The following ASTN2 variants were observed in gnomAD, a reference collection of about 807,000 sequenced individuals.
ASTN2 encodes the protein astrotactin 2.
A neutral mutation model predicts 139.8 loss-of-function variants in ASTN2; 54 were observed. That is an observed-to-expected ratio of 0.39 (90% CI 0.31 to 0.48). The LOEUF (loss-of-function observed/expected upper bound fraction) is 0.48, where lower values mean the gene tolerates loss of function less well. Ranked by LOEUF, ASTN2 falls within the 20% of genes least tolerant of loss-of-function variation. The probability of loss-of-function intolerance (pLI) is 0.95; values close to 1 mark genes in which losing one functional copy is unlikely to be tolerated. For synonymous variants in ASTN2, 756 were observed against 719.5 expected (o/e 1.05, Z -0.81); for missense variants, 1,565 against 1,725.1 (o/e 0.91, Z 1.64).
At chr9:116,632,205 A>AAAAAG (rs1554723307) in intron 17 of ASTN2, among the ~76,000 whole-genome samples, 909 of 45,304 alleles carry the variant, frequency 0.02, 41 homozygotes, top group South Asian at 0.089. Flanking sequence ...AGAAAGAAAG[A>AAAAAG]AAAGAAAGAA....
At chr9:116,447,264 G>C (rs1158697342) in intron 20 of ASTN2, among the ~76,000 whole-genome samples, 3 of 152,190 alleles carry the variant, frequency 2.0e-5, no homozygotes, top group Non-Finnish European at 2.9e-5. Context: ...CGTCTCAAGA[G>C]CTGCTTAGCC....
chr9:116,523,989 G>C (rs1235290610), intron 19 of ASTN2, among the ~76,000 whole-genome samples: 1 of 152,182 alleles, frequency 6.6e-6, no homozygotes, highest in Non-Finnish European at 1.5e-5. Flanking sequence ...TTTTAGCAAG[G>C]AGAGAAAGGC....
chr9:117,040,090 G>T (rs1264424002), intron 5 of ASTN2, 125 bp from the exon 6 acceptor site: 9 of 1,181,244 alleles, frequency 7.6e-6, no homozygotes, highest in Non-Finnish European at 1.0e-5. Flanking sequence ...AAAGAAAAAA[G>T]ACATGTTTTC....
At chr9:117,140,222 C>A (rs770312211) in intron 4 of ASTN2, among the ~76,000 whole-genome samples, 1 of 152,080 alleles carries the variant, frequency 6.6e-6, no homozygotes. Context: ...GGAAACAGCA[C>A]TGAGGACAGA....
intron 2 of ASTN2, among the ~76,000 whole-genome samples, chr9:117,226,623 C>G (rs1370307745): frequency 6.6e-6 from 1 of 151,742 alleles, no homozygotes; most frequent in East Asian, 1.9e-4. Flanking sequence ...GTTTTTTTAA[C>G]AGGGTGGCCA....
At chr9:117,041,921 C>A (rs186915636) in intron 5 of ASTN2, among the ~76,000 whole-genome samples, 1 of 152,176 alleles carries the variant, frequency 6.6e-6, no homozygotes, top group East Asian at 1.9e-4. Context: ...GATAAACTAC[C>A]CATATTCATT....
intron 10 of ASTN2, among the ~76,000 whole-genome samples, chr9:116,948,785 G>GATTTT (rs1835470645): frequency 2.0e-5 from 1 of 49,472 alleles, no homozygotes; most frequent in African/African-American, 8.6e-5. Flanking sequence ...ATAATTTGGT[G>GATTTT]TTTTTTTTTT....
At chr9:116,548,253 T>C (rs1852190890) in intron 19 of ASTN2, among the ~76,000 whole-genome samples, 2 of 152,096 alleles carry the variant, frequency 1.3e-5, no homozygotes, top group South Asian at 4.1e-4. Flanking sequence ...GGCATTTGCT[T>C]AAGGTGATTC....
chr9:117,230,938 A>G (rs1832872737), intron 2 of ASTN2, among the ~76,000 whole-genome samples: 1 of 152,162 alleles, frequency 6.6e-6, no homozygotes, highest in African/African-American at 2.4e-5. Flanking sequence ...TGACCCTCCC[A>G]GATAGAGTTG....
At chr9:117,318,308 A>T (rs1417162484) in intron 1 of ASTN2, among the ~76,000 whole-genome samples, 1 of 152,182 alleles carries the variant, frequency 6.6e-6, no homozygotes, top group Non-Finnish European at 1.5e-5. Context: ...GACAGCACTT[A>T]AAAACTTGCC....
At chr9:117,409,629 C>T (rs751242690) in intron 1 of ASTN2, among the ~76,000 whole-genome samples, 6 of 152,184 alleles carry the variant, frequency 3.9e-5, no homozygotes, top group African/African-American at 1.4e-4. Flanking sequence ...AAAACATACT[C>T]TTAATTTGTG....
rs774914398 is a variant in ASTN2, at chr9:116,698,163, G to C, written c.2806+27608C>G. ...CCACTGTACACTCCCTGTCAAAGAA[G>C]CAGCTGAGGAGCGGCGTCGGGACTT... On this transcript the variant is annotated intron_variant, in intron 16 of 22. Coordinates refer to ENST00000313400, the MANE Select transcript of ASTN2 (RefSeq NM_001365068.1). The surrounding 1 kb of genome is among the most constrained non-coding windows in gnomAD (Gnocchi z 4.4). The C allele has an allele frequency of 1.9e-6, 3 of 1,614,054 alleles. No individual in the cohort carries two copies. The highest frequency in any genetic ancestry group is 1.7e-6 in the Non-Finnish European group (2 of 1,180,052).
chr9:117,297,072 T>A (rs1053277891), intron 1 of ASTN2, among the ~76,000 whole-genome samples: 1 of 152,230 alleles, frequency 6.6e-6, no homozygotes, highest in Non-Finnish European at 1.5e-5. Flanking sequence ...ATTTAATTCC[T>A]GAAGGTCATT....
chr9:116,438,879 G>A (rs1373795508), intron 22 of ASTN2, among the ~76,000 whole-genome samples: 1 of 152,158 alleles, frequency 6.6e-6, no homozygotes, highest in East Asian at 1.9e-4. Context: ...GAACTCACGA[G>A]GCGGAGGTTG....
intron 1 of ASTN2, among the ~76,000 whole-genome samples, chr9:117,363,194 C>T (rs1235280581): frequency 6.6e-6 from 1 of 152,142 alleles, no homozygotes; most frequent in African/African-American, 2.4e-5. Flanking sequence ...AGGACCCTGA[C>T]TGATGTAACA....
intron 13 of ASTN2, among the ~76,000 whole-genome samples, chr9:116,797,298 G>T (rs778001669): frequency 6.6e-6 from 1 of 152,248 alleles, no homozygotes; most frequent in Admixed American, 6.5e-5. Flanking sequence ...AAAAAAGAAA[G>T]TTAGCTTTCT....
intron 6 of ASTN2, among the ~76,000 whole-genome samples, chr9:117,021,325 A>G (rs1195568654): frequency 2.6e-5 from 4 of 152,130 alleles, no homozygotes; most frequent in African/African-American, 4.8e-5. Flanking sequence ...TTTGGAGTGT[A>G]TTTATGCTTT....
intron 22 of ASTN2, among the ~76,000 whole-genome samples, chr9:116,436,301 C>T (rs186114729): frequency 6.6e-6 from 1 of 152,208 alleles, no homozygotes; most frequent in Admixed American, 6.5e-5. Flanking sequence ...CTTGGAGAGA[C>T]ATAAGGGATG....
chr9:117,225,110 A>G (rs902851197), intron 2 of ASTN2, among the ~76,000 whole-genome samples: 3 of 152,192 alleles, frequency 2.0e-5, no homozygotes, highest in African/African-American at 7.2e-5. Context: ...TTTGAATGGT[A>G]CACAGCACAG....
Sources: gnomAD v4.1 joint callset for allele counts (sites outside exome capture counted in the v4.1 genomes callset) on GRCh38, gnomAD v4.1.1 for gene constraint, Gnocchi (gnomAD v3.1) non-coding constraint, MANE v1.5 for transcripts, NCBI Gene and HGNC (gene_info 2026-07-23, HGNC 2026-07-21) for gene names.